The following CFAP299 variants were observed in gnomAD, a reference collection of about 807,000 sequenced individuals.
The protein encoded by CFAP299 is cilia and flagella associated protein 299, also known as cilia- and flagella-associated protein 299.
A neutral mutation model predicts 27.0 loss-of-function variants in CFAP299; 21 were observed. The ratio of observed to expected loss-of-function variants is 0.78; its 90% CI spans 0.55 to 1.12. CFAP299 has a LOEUF of 1.12. Ranked by LOEUF, CFAP299 falls within the 50% of genes most tolerant of loss-of-function variation. The probability of loss-of-function intolerance (pLI) is 0.00; values close to 1 mark genes in which losing one functional copy is unlikely to be tolerated. For synonymous variants in CFAP299, 104 were observed against 98.1 expected, an observed-to-expected ratio of 1.06 and a Z score of -0.36; for missense variants, 310 against 276.6, an observed-to-expected ratio of 1.12 and a Z score of -0.86.
Position 80,541,176 on chromosome 4 carries a change from A to G in CFAP299, c.243-41917A>G, listed in dbSNP as rs551364373. Among the ~76,000 whole-genome samples the G allele has an allele frequency of 9.2e-5, 14 of 152,344 alleles. No individual in the cohort carries two copies. In the South Asian group the frequency reaches 2.9e-3, roughly 32 times the overall value. On this transcript the variant is annotated intron_variant, in intron 2 of 5. Coordinates refer to ENST00000358105, the MANE Select transcript of CFAP299 (RefSeq NM_152770.3). ...ATAAGTGTTTCATATGACAGTGAAG[A>G]TAACTGTGAGAAATACCATACGTAA...
At chr4:80,754,393 C>CTG (rs940537086) in intron 3 of CFAP299, among the ~76,000 whole-genome samples, 2 of 151,960 alleles carry the variant, frequency 1.3e-5, no homozygotes, top group African/African-American at 2.4e-5. Context: ...TGCTATCTTG[C>CTG]TGTGGGTAGG....
intron 3 of CFAP299, among the ~76,000 whole-genome samples, chr4:80,761,389 G>C (rs1725533606): frequency 6.6e-6 from 1 of 151,914 alleles, no homozygotes; most frequent in African/African-American, 2.4e-5. Flanking sequence ...CTAAGAGACA[G>C]TGGAATTTTG....
intron 3 of CFAP299, among the ~76,000 whole-genome samples, chr4:80,670,750 C>A (rs919322237): frequency 2.8e-4 from 43 of 152,314 alleles, no homozygotes; most frequent in Non-Finnish European, 6.2e-4. Context: ...TGATGATGAG[C>A]ATTTTTTCAT....
rs140707937 is a variant in CFAP299 at position 80,694,258 on chromosome 4, G to T, written c.333+111075G>T. Among the ~76,000 whole-genome samples the T allele has an allele frequency of 2.0e-4, 30 of 152,174 alleles. No individual in the cohort carries two copies. The East Asian group carries it at 5.8e-3, about 29-fold the overall frequency. On this transcript the variant is annotated intron_variant, in intron 3 of 5. Coordinates refer to ENST00000358105, the MANE Select transcript of CFAP299 (RefSeq NM_152770.3). ...TTCACCCTTTGAGGTCAGTACATAC[G>T]TCTCACAAGACAGGCGTTCATCAGC... is the stretch of plus-strand genomic sequence containing the variant.
chr4:80,505,107 T>A (rs1731955240), intron 2 of CFAP299, among the ~76,000 whole-genome samples: 1 of 149,804 alleles, frequency 6.7e-6, no homozygotes. Context: ...TATAAAAAGA[T>A]GGCTGGATGT....
At chr4:80,800,957 T>C (rs1026968889) in intron 3 of CFAP299, among the ~76,000 whole-genome samples, 2 of 151,110 alleles carry the variant, frequency 1.3e-5, no homozygotes, top group Non-Finnish European at 2.9e-5. Flanking sequence ...GGGAGAAAGA[T>C]GTAGATCAGT....
chr4:80,915,260 G>A (rs7673345), intron 4 of CFAP299, among the ~76,000 whole-genome samples: 16,732 of 151,832 alleles, frequency 0.11, 1,836 homozygotes, highest in African/African-American at 0.27. Context: ...AGTGGGTATA[G>A]AACTCCAGTT....
At chr4:80,688,020 A>G (rs1013399293) in intron 3 of CFAP299, among the ~76,000 whole-genome samples, 3 of 152,176 alleles carry the variant, frequency 2.0e-5, no homozygotes, top group Non-Finnish European at 4.4e-5. Flanking sequence ...TGTGTCCCGC[A>G]CCTGGCTCGG....
At chr4:80,569,526 A>C (rs185026739) in intron 2 of CFAP299, among the ~76,000 whole-genome samples, 7 of 152,152 alleles carry the variant, frequency 4.6e-5, no homozygotes, top group Admixed American at 3.9e-4. Context: ...AACAAAGATA[A>C]AATGACTAAT....
chr4:80,796,656 T>C lies in CFAP299; in HGVS notation c.334-73337T>C, dbSNP rs1727880202. Among the ~76,000 whole-genome samples the C allele has an allele frequency of 2.6e-5, 4 of 152,266 alleles. No homozygotes were observed. The South Asian group carries it at 8.3e-4, about 32-fold the overall frequency. On this transcript the variant is annotated intron_variant, in intron 3 of 5. Coordinates refer to ENST00000358105, the MANE Select transcript of CFAP299 (RefSeq NM_152770.3). ...TGGTTAAGCTTATGGTAATCCACTG[T>C]CATTCCCAAGATCCATCTGTCTTCT...
At chr4:80,387,655 ATG>A (rs1725090062) in intron 2 of CFAP299, 4 of 1,545,894 alleles carry the variant, frequency 2.6e-6, no homozygotes, top group Non-Finnish European at 3.6e-6. Context: ...GTGGGTCTGC[ATG>A]TGTTTCTTAA....
At chr4:80,546,221 A>G (rs1734220398) in intron 2 of CFAP299, among the ~76,000 whole-genome samples, 1 of 151,388 alleles carries the variant, frequency 6.6e-6, no homozygotes, top group African/African-American at 2.4e-5. Context: ...ACTCCCATTC[A>G]GCCCCACATA....
intron 3 of CFAP299, among the ~76,000 whole-genome samples, chr4:80,707,151 C>T (rs1354686186): frequency 2.0e-5 from 3 of 151,874 alleles, no homozygotes; most frequent in African/African-American, 4.8e-5. Context: ...TAACCCAGAC[C>T]TGTTTTGCCT....
intron 3 of CFAP299, among the ~76,000 whole-genome samples, chr4:80,667,378 A>G (rs1477374156): frequency 6.6e-6 from 1 of 152,174 alleles, no homozygotes; most frequent in Non-Finnish European, 1.5e-5. Context: ...TTTGAAATAT[A>G]CAACAGATTA....
chr4:80,559,817 T>A (rs2110219833), intron 2 of CFAP299, among the ~76,000 whole-genome samples: 1 of 152,296 alleles, frequency 6.6e-6, no homozygotes, highest in African/African-American at 2.4e-5. Context: ...AAACTAGTAG[T>A]TGGAACTTGA....
chr4:80,861,980 A>T (rs555873523), intron 3 of CFAP299, among the ~76,000 whole-genome samples: 7 of 152,304 alleles, frequency 4.6e-5, no homozygotes, highest in African/African-American at 1.7e-4. Flanking sequence ...CTCAATTTTT[A>T]AGAATTTTCA....
chr4:80,513,240 GTTATAC>G (rs895937974), intron 2 of CFAP299, among the ~76,000 whole-genome samples: 24 of 152,068 alleles, frequency 1.6e-4, no homozygotes, highest in African/African-American at 5.1e-4. Flanking sequence ...CATATTAAGT[GTTATAC>G]TTAAACAATT....
intron 3 of CFAP299, among the ~76,000 whole-genome samples, chr4:80,690,028 C>A (rs559419883): frequency 6.4e-4 from 94 of 146,764 alleles, no homozygotes; most frequent in Non-Finnish European, 1.0e-3. Context: ...CACAGGAGCA[C>A]CCAGATTCAT....
intron 2 of CFAP299, among the ~76,000 whole-genome samples, chr4:80,578,357 T>G (rs1161270197): frequency 1.3e-5 from 2 of 152,200 alleles, no homozygotes; most frequent in African/African-American, 4.8e-5. Flanking sequence ...TTCCTCTTGC[T>G]AAGAAGTTTC....
Sources: allele counts gnomAD v4.1 joint callset (sites outside exome capture counted in the v4.1 genomes callset), GRCh38; gene constraint gnomAD v4.1.1; transcripts MANE v1.5; gene names NCBI Gene and HGNC (gene_info 2026-07-23, HGNC 2026-07-21).